Variants in FERMT2 observed in about 807,000 individuals in gnomAD.
The protein encoded by FERMT2 is FERM domain containing kindlin 2.
A neutral mutation model predicts 82.7 loss-of-function variants in FERMT2; 15 were observed. The ratio of observed to expected loss-of-function variants is 0.18; its 90% CI spans 0.12 to 0.28. The LOEUF (loss-of-function observed/expected upper bound fraction) is 0.28. Among genes scored for constraint, FERMT2 ranks in the 10% least tolerant of loss-of-function variants. The pLI is 1.00. For missense variants in FERMT2, 645 were observed against 809.4 expected (o/e 0.80, Z 2.46); for synonymous variants, 274 against 271.5 (o/e 1.01, Z -0.09).
intron 10 of FERMT2, among the ~76,000 whole-genome samples, chr14:52,867,166 G>A (rs1885336217): frequency 6.6e-6 from 1 of 151,120 alleles, no homozygotes; most frequent in South Asian, 2.1e-4. Flanking sequence ...CAAACTCCTG[G>A]GCTCAAGCAA....
At chr14:52,948,157 C>T (rs1049695808) in intron 2 of FERMT2, among the ~76,000 whole-genome samples, 4 of 152,188 alleles carry the variant, frequency 2.6e-5, no homozygotes, top group African/African-American at 9.7e-5. Context: ...TTTATCTAGA[C>T]TCTGCAAGCT....
At chr14:52,884,710 T>A (rs1366192079) in intron 4 of FERMT2, among the ~76,000 whole-genome samples, 1 of 151,408 alleles carries the variant, frequency 6.6e-6, no homozygotes, top group Non-Finnish European at 1.5e-5. Context: ...ACCTATTTTT[T>A]AAAATTCTGT....
At chr14:52,926,796 C>A (rs1460217802) in intron 2 of FERMT2, among the ~76,000 whole-genome samples, 3 of 152,092 alleles carry the variant, frequency 2.0e-5, no homozygotes, top group African/African-American at 7.2e-5. Flanking sequence ...TTATGATTTA[C>A]TTATAAATTT....
chr14:52,940,415 T>C (rs2139696836), intron 2 of FERMT2, among the ~76,000 whole-genome samples: 1 of 152,326 alleles, frequency 6.6e-6, no homozygotes, highest in African/African-American at 2.4e-5. Context: ...TTCAAAATGT[T>C]TTACTATGTA....
intron 14 of FERMT2, 110 bp from the exon 15 acceptor site, chr14:52,858,660 C>T: frequency 1.1e-6 from 1 of 940,830 alleles, no homozygotes; most frequent in Non-Finnish European, 1.6e-6. Flanking sequence ...ACTTGTTGAT[C>T]CTCAAATGAT....
At chr14:52,907,970 T>C (rs1888111429) in intron 3 of FERMT2, among the ~76,000 whole-genome samples, 1 of 152,132 alleles carries the variant, frequency 6.6e-6, no homozygotes, top group Admixed American at 6.6e-5. Context: ...AATGTCCATA[T>C]CTGGGATATG....
chr14:52,931,872 A>T (rs1011876494), intron 2 of FERMT2, among the ~76,000 whole-genome samples: 1 of 152,122 alleles, frequency 6.6e-6, no homozygotes, highest in African/African-American at 2.4e-5. Flanking sequence ...TACTAAAAAT[A>T]CAAAAAATTA....
At chr14:52,928,808 CT>C in intron 2 of FERMT2, among the ~76,000 whole-genome samples, 1 of 152,248 alleles carries the variant, frequency 6.6e-6, no homozygotes, top group Non-Finnish European at 1.5e-5. Context: ...ATCTATAAGC[CT>C]TCTTAAATTT....
At chr14:52,909,855 C>T (rs34942411) in intron 3 of FERMT2, among the ~76,000 whole-genome samples, 337 of 152,220 alleles carry the variant, frequency 2.2e-3, no homozygotes, top group Non-Finnish European at 3.6e-3. Context: ...GGGATCGAGA[C>T]CATCCTGGCA....
intron 2 of FERMT2, among the ~76,000 whole-genome samples, chr14:52,932,405 CAA>C (rs1310751128): frequency 6.6e-6 from 1 of 152,048 alleles, no homozygotes; most frequent in Non-Finnish European, 1.5e-5. Context: ...CACAAGGAGG[CAA>C]AGAGATTATT....
At position 52,933,446 on chromosome 14, in the gene FERMT2, C is replaced by T. The variant is rs145102273; in HGVS notation, c.158-14090G>A. Among the ~76,000 whole-genome samples, 34 of 152,092 alleles carry T rather than the reference C, an allele frequency of 2.2e-4. No homozygotes were observed. The East Asian group carries it at 5.4e-3, about 24-fold the overall frequency. On this transcript the variant is annotated intron_variant, in intron 2 of 14. Transcript: ENST00000341590. ...AGTCTGGGCCAGGCACGGTGGCTCACGCTTGTAATCCCAGCACTTTGGGAG... is the reference window on the plus strand; with the variant it reads ...AGTCTGGGCCAGGCACGGTGGCTCATGCTTGTAATCCCAGCACTTTGGGAG...
At chr14:52,910,448 T>G (rs1407615537) in intron 3 of FERMT2, among the ~76,000 whole-genome samples, 1 of 152,098 alleles carries the variant, frequency 6.6e-6, no homozygotes, top group Non-Finnish European at 1.5e-5. Context: ...CCTTTCCTCT[T>G]AAGAAGGCTC....
intron 2 of FERMT2, among the ~76,000 whole-genome samples, chr14:52,931,646 T>C (rs868121434): frequency 6.6e-6 from 1 of 152,206 alleles, no homozygotes; most frequent in African/African-American, 2.4e-5. Flanking sequence ...AGCTTGATAA[T>C]TAAATAGATG....
At chr14:52,880,565 G>C (rs921861544) in intron 6 of FERMT2, among the ~76,000 whole-genome samples, 8 of 151,970 alleles carry the variant, frequency 5.3e-5, no homozygotes, top group African/African-American at 1.9e-4. Context: ...TGCGTGGCTA[G>C]TTTTTGTATT....
chr14:52,881,009 A>G (rs932164287), intron 6 of FERMT2, 27 bp downstream of exon 6: 3 of 1,455,046 alleles, frequency 2.1e-6, no homozygotes, highest in Non-Finnish European at 1.9e-6. Context: ...TGGGGAAAAA[A>G]AAAAGATCCC....
chr14:52,882,613 A>G (rs1310469449), intron 4 of FERMT2, among the ~76,000 whole-genome samples: 2 of 152,182 alleles, frequency 1.3e-5, no homozygotes, highest in African/African-American at 4.8e-5. Flanking sequence ...TGGGCATAAC[A>G]CTGTTAATGT....
chr14:52,915,678 T>C (rs554034822), intron 3 of FERMT2, among the ~76,000 whole-genome samples: 160 of 152,158 alleles, frequency 1.1e-3, no homozygotes, highest in African/African-American at 3.7e-3. Flanking sequence ...TAGCAGAAAA[T>C]ATAGATGATA....
rs1886299242 is a variant in FERMT2, at chr14:52,881,552, G to A, written c.527-83C>T. 106 of 1,087,766 alleles carry A rather than the reference G, an allele frequency of 9.7e-5. 2 individuals carry two copies. In the South Asian group the frequency reaches 1.6e-3, roughly 17 times the overall value. 67.4% of individuals were successfully genotyped at this position (1,087,766 alleles called of 1,614,324 possible). A position where few individuals can be genotyped will look rare whatever the true frequency, so the allele number is the denominator to read the frequency against. On this transcript the variant is annotated intron_variant, in intron 4 of 14. Transcript: ENST00000341590. ...ATAATAACACATATTATGATATAAA[G>A]CACATTGTGAAACAAAAGTTTTATT...
At chr14:52,874,753 A>C (rs1312284750) in intron 8 of FERMT2, among the ~76,000 whole-genome samples, 2 of 152,186 alleles carry the variant, frequency 1.3e-5, no homozygotes, top group Non-Finnish European at 2.9e-5. Context: ...AGAGTATTAG[A>C]TCTATTCTTA....
Sources: allele counts gnomAD v4.1 joint callset (sites outside exome capture counted in the v4.1 genomes callset), GRCh38; gene constraint gnomAD v4.1.1; transcripts MANE v1.5; gene names NCBI Gene and HGNC (gene_info 2026-07-23, HGNC 2026-07-21).